COL4A5: variants seen among roughly 807,000 people sequenced by gnomAD.
The protein encoded by COL4A5 is collagen alpha-5(IV) chain.
A neutral mutation model predicts 130.2 loss-of-function variants in COL4A5; 26 were observed. That is an observed-to-expected ratio of 0.20 (90% confidence interval 0.15 to 0.28). The LOEUF is 0.28. Among genes scored for constraint, COL4A5 ranks in the 10% least tolerant of loss-of-function variants. The pLI, the probability that COL4A5 is intolerant of heterozygous loss-of-function variation, is 1.00. For synonymous variants in COL4A5, 496 were observed against 439.6 expected, an observed-to-expected ratio of 1.13 and a Z score of -1.60; for missense variants, 1,131 against 1,344.3, an observed-to-expected ratio of 0.84 and a Z score of 2.48.
At chrX:108,670,415 G>A in intron 42 of COL4A5, 179 bp downstream of exon 42, 1 of 465,659 alleles carries the variant, frequency 2.1e-6, no homozygotes, top group Middle Eastern at 1.3e-3. Flanking sequence ...CTGTCTATTG[G>A]AAAGACCCAA....
chrX:108,543,479 G>T (rs931265661), intron 2 of COL4A5, among the ~76,000 whole-genome samples: 3 of 111,278 alleles, frequency 2.7e-5, no homozygotes, highest in Non-Finnish European at 5.7e-5. Context: ...CTCTGTTTTG[G>T]TACCAGTACC....
At chrX:108,580,817 A>G in intron 15 of COL4A5, 79 bp downstream of exon 15, 2 of 1,019,366 alleles carry the variant, frequency 2.0e-6, no homozygotes, top group East Asian at 3.1e-5. Context: ...TTCTTCCTAC[A>G]TCTTCCATTG....
At chrX:108,652,173 A>G (rs1227956729) in intron 36 of COL4A5, among the ~76,000 whole-genome samples, 1 of 112,120 alleles carries the variant, frequency 8.9e-6, no homozygotes, top group Non-Finnish European at 1.9e-5. Context: ...TGCTTATGGT[A>G]TCATGGGTAT....
chrX:108,665,423 A>G (rs2068057212), intron 37 of COL4A5, 84 bp from the exon 38 acceptor site: 1 of 646,827 alleles, frequency 1.5e-6, no homozygotes, highest in African/African-American at 2.2e-5. Context: ...TTTCTATGCT[A>G]GCACTATAAA....
At position 108,614,944 on chromosome X, in the gene COL4A5, T is replaced by C; in HGVS notation, c.2429T>C (p.Met810Thr). ...GGACCAAATGGACAACCTGGACCAA[T>C]GGGACCTCCTGGGCTGCCAGGAATA... ...DVGPNGQPGP[M>T]GPPGLPGIGV... is the part of the protein sequence containing the mutation. The change falls in exon 30 of 53, where the codon ATG (methionine) becomes ACG (threonine). Residue 810 changes from methionine (M) to threonine (T), a missense_variant. Physicochemically the swap from Met to Thr is moderately conservative, Grantham distance 81. Coordinates refer to ENST00000328300, the MANE Select transcript of COL4A5 (RefSeq NM_033380.3). 1 of 1,210,900 alleles carries C rather than the reference T, an allele frequency of 8.3e-7. No homozygotes were observed.
chrX:108,575,999 C>T (rs1398798917), intron 10 of COL4A5, 27 bp downstream of exon 10: 16 of 966,767 alleles, frequency 1.7e-5, no homozygotes, highest in Non-Finnish European at 2.0e-5. Context: ...AATTTAATTT[C>T]CCCCCCTTTC....
chrX:108,694,319 G>A (rs927059894), intron 50 of COL4A5: 1 of 136,642 alleles, frequency 7.3e-6, no homozygotes, highest in Non-Finnish European at 1.4e-5. Flanking sequence ...TACTTCTCCA[G>A]ATATAGTCAA....
intron 1 of COL4A5, among the ~76,000 whole-genome samples, chrX:108,494,950 A>C (rs1031177112): frequency 1.8e-5 from 2 of 111,308 alleles, no homozygotes; most frequent in African/African-American, 6.5e-5. Context: ...ATCACTCTAC[A>C]TGATATTATG....
Position 108,686,036 on chromosome X carries a change from A to G in COL4A5, c.4222A>G (p.Thr1408Ala). ...GCCTCATTCTTTTCCTGTAGGTCCA[A>G]CTGGCCCTCCAGGAGATCCTGGACG... Reference protein sequence around the residue: ...PQGPQGLPGPTGPPGDPGRNG... With the variant: ...PQGPQGLPGPAGPPGDPGRNG... The change falls in exon 48 of 53, where the codon ACT becomes GCT. Residue 1408 changes from threonine to alanine, a missense_variant. Physicochemically the swap from Thr to Ala is moderately conservative, Grantham distance 58 (BLOSUM62 0). Transcript: ENST00000328300. 1 of 1,207,272 alleles carries G rather than the reference A, an allele frequency of 8.3e-7. No homozygotes were observed. The highest frequency in any genetic ancestry group is 1.1e-6 in the Non-Finnish European group (1 of 891,648).
At chrX:108,539,373 G>A (rs1408774233) in intron 1 of COL4A5, among the ~76,000 whole-genome samples, 1 of 111,969 alleles carries the variant, frequency 8.9e-6, no homozygotes, top group Admixed American at 9.5e-5. Context: ...ACTTTGAAAT[G>A]TATGTCTGTA....
intron 42 of COL4A5, among the ~76,000 whole-genome samples, chrX:108,672,438 G>A (rs771384065): frequency 1.8e-5 from 2 of 112,137 alleles, no homozygotes; most frequent in Non-Finnish European, 3.8e-5. Flanking sequence ...CATAGTTGTT[G>A]GAACTTGGTC....
intron 4 of COL4A5, 72 bp from the exon 5 acceptor site, chrX:108,568,557 T>G: frequency 2.8e-6 from 2 of 722,746 alleles, no homozygotes; most frequent in Non-Finnish European, 4.3e-6. Context: ...ATTTTCATAA[T>G]ATCCTTAGGT....
chrX:108,483,109 A>T (rs954239195), intron 1 of COL4A5, among the ~76,000 whole-genome samples: 5 of 110,328 alleles, frequency 4.5e-5, no homozygotes, highest in South Asian at 3.9e-4. Flanking sequence ...CTCCAAAAGA[A>T]CTCCATCCTT....
At chrX:108,517,439 T>C (rs1250664334) in intron 1 of COL4A5, among the ~76,000 whole-genome samples, 2 of 111,941 alleles carry the variant, frequency 1.8e-5, no homozygotes, top group African/African-American at 6.5e-5. Context: ...TTTAATCCAT[T>C]ACTCATTTGA....
intron 1 of COL4A5, among the ~76,000 whole-genome samples, chrX:108,484,006 T>C (rs1216736981): frequency 2.7e-5 from 3 of 112,360 alleles, no homozygotes; most frequent in Non-Finnish European, 5.6e-5. Flanking sequence ...TTATATATTC[T>C]GGTTATTAAT....
chrX:108,677,717 AT>A (rs2068335187), intron 44 of COL4A5, 84 bp downstream of exon 44: 1 of 1,079,788 alleles, frequency 9.3e-7, no homozygotes, highest in Middle Eastern at 2.7e-4. Context: ...CATCATTTTA[AT>A]TAACACTCAC....
chrX:108,512,517 G>A (rs1385007247), intron 1 of COL4A5, among the ~76,000 whole-genome samples: 1 of 111,639 alleles, frequency 9.0e-6, no homozygotes, highest in African/African-American at 3.3e-5. Flanking sequence ...TACCAATGAA[G>A]ATTTATTTTT....
At chrX:108,518,827 C>T (rs1185044001) in intron 1 of COL4A5, among the ~76,000 whole-genome samples, 12 of 110,921 alleles carry the variant, frequency 1.1e-4, no homozygotes, top group Non-Finnish European at 2.1e-4. Flanking sequence ...AACTGATTAA[C>T]GTGTTCATCC....
chrX:108,478,514 C>G (rs919357711), intron 1 of COL4A5, among the ~76,000 whole-genome samples: 1 of 111,621 alleles, frequency 9.0e-6, no homozygotes, highest in African/African-American at 3.3e-5. Flanking sequence ...CACACACAGC[C>G]TTCTGGAGAA....
Sources: allele counts gnomAD v4.1 joint callset (sites outside exome capture counted in the v4.1 genomes callset), GRCh38; gene constraint gnomAD v4.1.1; transcripts MANE v1.5; gene names NCBI Gene and HGNC (gene_info 2026-07-23, HGNC 2026-07-21).